The following ZFP82 variants were observed in gnomAD, a reference collection of about 807,000 sequenced individuals.
The protein encoded by ZFP82 is ZFP82 zinc finger protein.
ZFP82 carries 30 observed loss-of-function variants against 54.0 expected under a neutral mutation model. That is an observed-to-expected ratio of 0.56 (90% confidence interval 0.42 to 0.75). The LOEUF is 0.75. Among genes scored for constraint, ZFP82 ranks in the 30% least tolerant of loss-of-function variants. The pLI, the probability that ZFP82 is intolerant of heterozygous loss-of-function variation, is 0.00. For synonymous variants in ZFP82, 194 were observed against 209.5 expected (o/e 0.93, Z 0.64); for missense variants, 500 against 636.8 (o/e 0.79, Z 2.31).
chr19:36,384,576 A>C (rs1212706184), downstream of ZFP82: 1 of 152,166 alleles, frequency 6.6e-6, no homozygotes, highest in Non-Finnish European at 1.5e-5. Flanking sequence ...TTCCCCCAAG[A>C]AATATAGTAC....
rs2967516 is a variant in ZFP82 at position 36,390,741 on chromosome 19, A to G, written c.*2000T>C. 0.28 allele frequency: 42,204 copies of G among 149,676 alleles called. 5,890 individuals are homozygous for G. Among genetic ancestry groups the G allele is most frequent in the African/African-American group, 0.3 (12,507 of 41,300 alleles). 9.3% of individuals were successfully genotyped at this position (149,676 alleles called of 1,614,324 possible). On this transcript the variant is annotated 3_prime_UTR_variant, in exon 5 of 5. Transcript: ENST00000392161. ...TTAAAGAGCGTAGTTTTCAAATTCT[A>G]TCATTCATTTGATCTTTGTTTTGTT...
Position 36,392,746 on chromosome 19 carries a change from T to A in ZFP82, c.1594A>T (p.Ile532Phe). 1 of 1,553,300 alleles carries A rather than the reference T, an allele frequency of 6.4e-7. No individual in the cohort carries two copies. The highest frequency in any genetic ancestry group is 8.7e-7 in the Non-Finnish European group (1 of 1,155,932). Residue 532 changes from isoleucine to phenylalanine, a missense_variant, in exon 5 of 5, where the codon ATC (isoleucine) becomes TTC (phenylalanine). Coordinates refer to ENST00000392161, the MANE Select transcript of ZFP82 (RefSeq NM_133466.4). ...CAGAAGTTGAAAAGACTTTCTTAGA[T>A]TTTTACATTATGAATTTTCAGATGA... ...THHLKIHNVKI is the reference protein window; with the variant it reads ...THHLKIHNVKF
intron 4 of ZFP82, among the ~76,000 whole-genome samples, chr19:36,404,804 C>T (rs921087554): frequency 5.9e-5 from 9 of 152,226 alleles, no homozygotes; most frequent in African/African-American, 7.2e-5. Context: ...TCAGAATAAC[C>T]GCCTTGCAGG....
At chr19:36,408,559 C>A (rs180861099) in intron 2 of ZFP82, among the ~76,000 whole-genome samples, 162 of 152,278 alleles carry the variant, frequency 1.1e-3, no homozygotes, top group African/African-American at 3.7e-3. Context: ...GTGGCTCACA[C>A]CTGTAATCCC....
chr19:36,400,615 T>A (rs1261444555), intron 4 of ZFP82, among the ~76,000 whole-genome samples: 1 of 152,210 alleles, frequency 6.6e-6, no homozygotes, highest in Non-Finnish European at 1.5e-5. Context: ...ATAACTACAC[T>A]GTTTTTCCCT....
In ZFP82 at chr19:36,416,756, C is replaced by CAA. The variant is rs1165706150; in HGVS notation, c.-79+1734_-79+1735dup. On this transcript the variant is annotated intron_variant, in intron 1 of 4. Transcript: ENST00000392161. ...GGGAAATAAGAGCGAAACTCCGTCT[C>CAA]AAAAAAAAAAAAAAAAAAAAGAATT... Among the ~76,000 whole-genome samples, 170 of 68,840 alleles carry CAA rather than the reference C, an allele frequency of 2.5e-3. 3 individuals are homozygous for CAA. The highest frequency in any genetic ancestry group is 3.5e-3 in the East Asian group (8 of 2,278). 45.2% of individuals were successfully genotyped at this position (68,840 alleles called of 152,430 possible). A position where few individuals can be genotyped will look rare whatever the true frequency, so the allele number is the denominator to read the frequency against.
At chr19:36,400,000 G>T (rs2032356516) in intron 4 of ZFP82, among the ~76,000 whole-genome samples, 1 of 152,062 alleles carries the variant, frequency 6.6e-6, no homozygotes, top group Non-Finnish European at 1.5e-5. Flanking sequence ...AAAAATACTG[G>T]CAAACAGACA....
chr19:36,393,839 A>T lies in ZFP82; in HGVS notation c.501T>A (p.Asp167Glu), dbSNP rs1484333659. The T allele has an allele frequency of 1.2e-6, 2 of 1,614,186 alleles. No homozygotes were observed. The highest frequency in any genetic ancestry group is 8.5e-7 in the Non-Finnish European group (1 of 1,180,034). ...CACATTCCTTACATTCATAGGGTTT[A>T]TCAACAAAATGAAGTCTCTGATGTG... ...VTPHQRLHFV[D>E]KPYECKECGK... The change falls in exon 5 of 5, where the codon GAT becomes GAA. Residue 167 changes from aspartate (D) to glutamate (E), a missense_variant. Transcript: ENST00000392161.
At chr19:36,401,222 A>C (rs1197790658) in intron 4 of ZFP82, among the ~76,000 whole-genome samples, 1 of 152,028 alleles carries the variant, frequency 6.6e-6, no homozygotes, top group Non-Finnish European at 1.5e-5. Flanking sequence ...ATGAATGTAA[A>C]TTCCAATCAT....
intron 3 of ZFP82, among the ~76,000 whole-genome samples, chr19:36,407,313 T>A (rs974734644): frequency 1.3e-5 from 2 of 151,956 alleles, no homozygotes; most frequent in African/African-American, 4.8e-5. Flanking sequence ...CCTGACCTCG[T>A]GATCCGCCCG....
At position 36,402,820 on chromosome 19, in the gene ZFP82, C is replaced by G. The variant is rs900717610; in HGVS notation, c.229+2760G>C. Among the ~76,000 whole-genome samples, 96 of 151,934 alleles carry G rather than the reference C, an allele frequency of 6.3e-4. 1 individual carries two copies. The highest frequency in any genetic ancestry group is 2.3e-3 in the African/African-American group (96 of 41,458). The stretch of plus-strand genomic sequence containing the variant: ...ACCAGCCTCAGCAGCATGGTTAAAC[C>G]CCATCTCTACTAAAAATATAAAAAT... On this transcript the variant is annotated intron_variant, in intron 4 of 4. Coordinates refer to ENST00000392161, the MANE Select transcript of ZFP82 (RefSeq NM_133466.4).
chr19:36,411,412 G>A (rs2032578494), intron 1 of ZFP82, among the ~76,000 whole-genome samples: 1 of 152,054 alleles, frequency 6.6e-6, no homozygotes, highest in African/African-American at 2.4e-5. Flanking sequence ...ACAGGTATCT[G>A]AGTACTGATA....
At chr19:36,416,444 A>G (rs1018434866) in intron 1 of ZFP82, among the ~76,000 whole-genome samples, 9 of 152,256 alleles carry the variant, frequency 5.9e-5, no homozygotes, top group Non-Finnish European at 1.3e-4. Flanking sequence ...AATGAATTCA[A>G]ATTACTTCTG....
At chr19:36,398,247 G>T (rs2945955) in intron 4 of ZFP82, among the ~76,000 whole-genome samples, 30,057 of 152,064 alleles carry the variant, frequency 0.2, 3,036 homozygotes, top group Admixed American at 0.22. Context: ...TTTATTACAA[G>T]AATGTTTTAG....
In ZFP82 at chr19:36,393,421, C is replaced by A; in HGVS notation, c.919G>T (p.Asp307Tyr). 1.2e-6 allele frequency: 2 copies of A among 1,614,054 alleles called. No homozygotes were observed. The highest frequency in any genetic ancestry group is 1.7e-6 in the Non-Finnish European group (2 of 1,180,012). Residue 307 changes from aspartate (D) to tyrosine (Y), a missense_variant, in exon 5 of 5, where the codon GAC (aspartate) becomes TAC (tyrosine). Physicochemically the swap from Asp to Tyr is radical, Grantham distance 160. Transcript: ENST00000392161. ...CATTCTTTGCATTCATAGAGCCTGTCAGCACTATTAAGCTTCTGATGCCGA... is the reference window on the plus strand; with the variant it reads ...CATTCTTTGCATTCATAGAGCCTGTAAGCACTATTAAGCTTCTGATGCCGA... ...LTRHQKLNSADRLYECKECGK... is the reference protein window; with the variant it reads ...LTRHQKLNSAYRLYECKECGK...
intron 2 of ZFP82, among the ~76,000 whole-genome samples, 156 bp from the exon 3 acceptor site, chr19:36,408,169 T>C (rs982189016): frequency 2.0e-5 from 3 of 152,086 alleles, no homozygotes; most frequent in African/African-American, 4.8e-5. Flanking sequence ...AGGAAATGAG[T>C]GTGCCTGAAG....
chr19:36,406,017 T>C (rs765104984), intron 3 of ZFP82, among the ~76,000 whole-genome samples: 5 of 152,174 alleles, frequency 3.3e-5, no homozygotes, highest in African/African-American at 4.8e-5. Flanking sequence ...CCCTATAAAA[T>C]AGGGATAATC....
downstream of ZFP82, chr19:36,384,563 T>A (rs563980697): frequency 6.6e-6 from 1 of 152,316 alleles, no homozygotes; most frequent in African/African-American, 2.4e-5. Context: ...ATAATGTGAC[T>A]TTTTCCCCCA....
chr19:36,405,670 A>G lies in ZFP82; in HGVS notation c.139T>C (p.Cys47Arg). 3 of 1,596,700 alleles carry G rather than the reference A, an allele frequency of 1.9e-6. No individual in the cohort carries two copies. The highest frequency in any genetic ancestry group is 1.7e-6 in the Non-Finnish European group (2 of 1,168,692). The change falls in exon 4 of 5, where the codon TGC becomes CGC. Residue 47 changes from cysteine (C) to arginine (R), a missense_variant and splice_region_variant. Physicochemically the swap from Cys to Arg is radical, Grantham distance 180 (BLOSUM62 -3). Transcript: ENST00000392161. ...ATCACATCTGGTTTAGAAATGAAGC[A>G]TCCTGCTTAGAAGAAAAGGAATATA... is the stretch of plus-strand genomic sequence containing the variant. ...ENYSNLVSLG[C>R]FISKPDVISS...
Sources: gnomAD v4.1 joint callset for allele counts (sites outside exome capture counted in the v4.1 genomes callset) on GRCh38, gnomAD v4.1.1 for gene constraint, MANE v1.5 for transcripts, NCBI Gene and HGNC (gene_info 2026-07-23, HGNC 2026-07-21) for gene names.